Variants in VPS26B observed in about 807,000 individuals in gnomAD.
VPS26B encodes vacuolar protein sorting-associated protein 26B.
Under a neutral mutation model 33.3 loss-of-function variants are expected in VPS26B, and 10 were observed. The ratio of observed to expected loss-of-function variants is 0.30; its 90% CI spans 0.19 to 0.51. The LOEUF is 0.51. Among genes scored for constraint, VPS26B ranks in the 20% least tolerant of loss-of-function variants. The pLI is 0.98. For synonymous variants in VPS26B, 190 were observed against 176.9 expected, an observed-to-expected ratio of 1.07 and a Z score of -0.59; for missense variants, 317 against 452.7, an observed-to-expected ratio of 0.70 and a Z score of 2.72.
intron 1 of VPS26B, 126 bp downstream of exon 1, chr11:134,225,471 G>T: frequency 1.0e-6 from 1 of 967,968 alleles, no homozygotes. Flanking sequence ...TGAGGCCTGG[G>T]GTTCAGCTAC....
chr11:134,232,410 A>ATT (rs1938569282), intron 1 of VPS26B, among the ~76,000 whole-genome samples: 1 of 152,246 alleles, frequency 6.6e-6, no homozygotes, highest in Non-Finnish European at 1.5e-5. Context: ...TATAAAGGAT[A>ATT]GATTAAAAAG....
intron 2 of VPS26B, among the ~76,000 whole-genome samples, chr11:134,238,330 G>A (rs1329587435): frequency 1.3e-5 from 2 of 152,160 alleles, no homozygotes; most frequent in African/African-American, 4.8e-5. Context: ...ACAAAGCAGA[G>A]GAAGGAGCAC....
intron 2 of VPS26B, 41 bp downstream of exon 2, chr11:134,235,094 T>A: frequency 1.3e-6 from 2 of 1,588,948 alleles, no homozygotes; most frequent in Non-Finnish European, 1.7e-6. Context: ...CCCTAGAACC[T>A]GCCCCATGTG....
intron 1 of VPS26B, among the ~76,000 whole-genome samples, chr11:134,226,322 T>C (rs1442465741): frequency 6.6e-6 from 1 of 152,064 alleles, no homozygotes; most frequent in Admixed American, 6.6e-5. Flanking sequence ...GGGAGGATTG[T>C]TTGAACCCAG....
intron 1 of VPS26B, among the ~76,000 whole-genome samples, chr11:134,230,620 C>T (rs1474358874): frequency 6.6e-6 from 1 of 152,212 alleles, no homozygotes; most frequent in Middle Eastern, 3.2e-3. Context: ...TGTCAGTTTA[C>T]CTGCCTTTAC....
rs1462463630 is a variant in VPS26B at position 134,247,543 on chromosome 11, T to C, written c.*1953T>C. 1 of 152,630 alleles carries C rather than the reference T, an allele frequency of 6.6e-6. No individual in the cohort carries two copies. Among genetic ancestry groups the C allele is most frequent in the East Asian group, 1.9e-4 (1 of 5,188 alleles). The allele number at this position is 152,630 out of a possible 1,614,324, so 9.5% of individuals were successfully genotyped here. A position where few individuals can be genotyped will look rare whatever the true frequency, so the allele number is the denominator to read the frequency against. Reference sequence around the variant, plus strand: ...CTCTTTCTTACTCTACCCACATTCTTGCCTTCTCTATCCAACTGTGAAAGT... The same window carrying C: ...CTCTTTCTTACTCTACCCACATTCTCGCCTTCTCTATCCAACTGTGAAAGT... On this transcript the variant is annotated 3_prime_UTR_variant, in exon 6 of 6. Transcript: ENST00000281187.
intron 3 of VPS26B, 75 bp from the exon 4 acceptor site, chr11:134,243,044 C>T (rs775795845): frequency 4.0e-4 from 586 of 1,480,490 alleles, no homozygotes; most frequent in Non-Finnish European, 5.0e-4. Context: ...TTGGCCGTGG[C>T]GTGTGCGCTC....
Position 134,240,205 on chromosome 11 carries a change from G to C in VPS26B, c.545+50G>C. 6.3e-7 allele frequency: 1 copy of C among 1,590,782 alleles called. No homozygotes were observed. The highest frequency in any genetic ancestry group is 8.6e-7 in the Non-Finnish European group (1 of 1,162,410). On this transcript the variant is annotated intron_variant, in intron 3 of 5. Transcript: ENST00000281187. This position sits in a 1 kb window ranked among gnomAD's most constrained non-coding sequence, Gnocchi z 4.4. Reference sequence around the variant, plus strand: ...TGAAATGATTATTTAAGGAGGTTAAGATGGGACTTGATGCAGATGCAAACT... The same window carrying C: ...TGAAATGATTATTTAAGGAGGTTAACATGGGACTTGATGCAGATGCAAACT...
Position 134,245,294 on chromosome 11 carries a change from A to G in VPS26B, c.865-150A>G. On this transcript the variant is annotated intron_variant, in intron 5 of 5. Coordinates refer to ENST00000281187, the MANE Select transcript of VPS26B (RefSeq NM_052875.5). The surrounding 1 kb of genome is among the most constrained non-coding windows in gnomAD (Gnocchi z 4.7). ...TGCCCTTTTGGCCCACACCAGGGAC[A>G]GGGAGGTGCTGGCAGCTGCTGCCTT... 1 of 1,311,410 alleles carries G rather than the reference A, an allele frequency of 7.6e-7. No homozygotes were observed. The highest frequency in any genetic ancestry group is 1.0e-6 in the Non-Finnish European group (1 of 958,738). 81.2% of individuals were successfully genotyped at this position (1,311,410 alleles called of 1,614,324 possible).
At chr11:134,242,972 C>A in intron 3 of VPS26B, 147 bp from the exon 4 acceptor site, 1 of 744,868 alleles carries the variant, frequency 1.3e-6, no homozygotes, top group Non-Finnish European at 2.2e-6. Flanking sequence ...AACAGTTCAG[C>A]CACAGCCATG....
intron 3 of VPS26B, among the ~76,000 whole-genome samples, chr11:134,241,495 C>G (rs1370398563): frequency 6.6e-6 from 1 of 152,208 alleles, no homozygotes; most frequent in Non-Finnish European, 1.5e-5. Flanking sequence ...GGAGGCTGAT[C>G]TGGGCCTGGC....
intron 3 of VPS26B, among the ~76,000 whole-genome samples, chr11:134,242,434 C>G (rs899111968): frequency 6.6e-6 from 1 of 152,238 alleles, no homozygotes; most frequent in East Asian, 1.9e-4. Context: ...GCATTCTTAT[C>G]CTGTGAGCTG....
chr11:134,234,223 A>G (rs953838149), intron 1 of VPS26B, among the ~76,000 whole-genome samples: 1 of 152,254 alleles, frequency 6.6e-6, no homozygotes, highest in East Asian at 1.9e-4. Flanking sequence ...GAGTAATAAC[A>G]GCAGCTACTA....
At chr11:134,234,651 T>G (rs375650388) in intron 1 of VPS26B, among the ~76,000 whole-genome samples, 7 of 152,192 alleles carry the variant, frequency 4.6e-5, no homozygotes, top group Admixed American at 3.3e-4. Flanking sequence ...CCGAGTGTCT[T>G]GGAGCAGGAT....
Position 134,224,908 on chromosome 11 carries a change from G to T in VPS26B, c.-215G>T. On this transcript the variant is annotated 5_prime_UTR_variant, in exon 1 of 6. Transcript: ENST00000281187. ...GGTGCATTGCTGCTCGGGCGCCGCAGCCCGCAGCCGCCAGCCTCCCCCGGC... is the reference window on the plus strand; with the variant it reads ...GGTGCATTGCTGCTCGGGCGCCGCATCCCGCAGCCGCCAGCCTCCCCCGGC... The T allele has an allele frequency of 4.8e-6, 1 of 209,816 alleles. No individual in the cohort carries two copies. Among genetic ancestry groups the T allele is most frequent in the Non-Finnish European group, 9.2e-6 (1 of 108,824 alleles). The allele number at this position is 209,816 out of a possible 1,614,324, so 13.0% of individuals were successfully genotyped here.
chr11:134,242,760 G>C (rs777735627), intron 3 of VPS26B, among the ~76,000 whole-genome samples: 14 of 152,238 alleles, frequency 9.2e-5, no homozygotes, highest in Non-Finnish European at 1.8e-4. Flanking sequence ...GGAGAGACTG[G>C]TCCCTGCGCT....
chr11:134,239,500 T>C (rs1176732495), intron 2 of VPS26B, among the ~76,000 whole-genome samples: 1 of 152,242 alleles, frequency 6.6e-6, no homozygotes, highest in Non-Finnish European at 1.5e-5. Flanking sequence ...GAAAGGTTTA[T>C]TGGGACACTT....
Position 134,239,980 on chromosome 11 carries a change from G to A in VPS26B, c.381-11G>A, listed in dbSNP as rs375988523. The A allele has an allele frequency of 1.4e-4, 221 of 1,613,890 alleles. 1 individual carries two copies. Among genetic ancestry groups the A allele is most frequent in the Non-Finnish European group, 1.6e-4 (188 of 1,179,982 alleles). On this transcript the variant is annotated splice_polypyrimidine_tract_variant and intron_variant, in intron 2 of 5. Transcript: ENST00000281187. Reference sequence around the variant, plus strand: ...GGGAGTGTTTATTCATGACAGTTCCGTCTCCTACAGCTATTTCCTTCGTGC... The same window carrying A: ...GGGAGTGTTTATTCATGACAGTTCCATCTCCTACAGCTATTTCCTTCGTGC...
chr11:134,232,280 A>G (rs371756223), intron 1 of VPS26B, among the ~76,000 whole-genome samples: 3 of 151,460 alleles, frequency 2.0e-5, no homozygotes, highest in African/African-American at 7.4e-5. Flanking sequence ...CTCTCGTGAG[A>G]ACAGCCTTGG....
Sources: allele counts gnomAD v4.1 joint callset (sites outside exome capture counted in the v4.1 genomes callset), GRCh38; gene constraint gnomAD v4.1.1; non-coding constraint Gnocchi (gnomAD v3.1); transcripts MANE v1.5; gene names NCBI Gene and HGNC (gene_info 2026-07-23, HGNC 2026-07-21).